The following APPBP2 variants were observed in gnomAD, a reference collection of about 807,000 sequenced individuals.
The protein encoded by APPBP2 is amyloid protein-binding protein 2.
In APPBP2, 15 loss-of-function variants were observed where a neutral mutation model predicts 76.0. The observed-to-expected ratio is 0.20, with a 90% CI of 0.13 to 0.30. The LOEUF (loss-of-function observed/expected upper bound fraction) is 0.30. Among genes scored for constraint, APPBP2 ranks in the 10% least tolerant of loss-of-function variants. The pLI is 1.00. For synonymous variants in APPBP2, 222 were observed against 242.2 expected (o/e 0.92, Z 0.77); for missense variants, 401 against 687.2 (o/e 0.58, Z 4.66).
chr17:60,523,095 T>G (rs759424571), intron 1 of APPBP2, among the ~76,000 whole-genome samples: 15 of 152,020 alleles, frequency 9.9e-5, no homozygotes, highest in Non-Finnish European at 1.9e-4. Context: ...CCACAAATAC[T>G]CCAATTTTGT....
chr17:60,458,930 G>A (rs1294230460), intron 9 of APPBP2, among the ~76,000 whole-genome samples: 2 of 151,926 alleles, frequency 1.3e-5, no homozygotes, highest in East Asian at 1.9e-4. Flanking sequence ...ATGCCACCAT[G>A]CCTGGCTAAT....
At chr17:60,500,310 A>G (rs927013930) in intron 2 of APPBP2, 89 bp downstream of exon 2, 12 of 912,904 alleles carry the variant, frequency 1.3e-5, no homozygotes, top group Non-Finnish European at 6.7e-6. Flanking sequence ...CCCAGCCCAC[A>G]ATGTGAATAT....
rs913002845 is a variant in APPBP2, at chr17:60,468,028, G to A, written c.504-1569C>T. On this transcript the variant is annotated intron_variant, in intron 4 of 12. Coordinates refer to ENST00000083182, the MANE Select transcript of APPBP2 (RefSeq NM_006380.5). ...CAGTAAGGGAGGTGATTTGACTTAT[G>A]CACTATCTAATATAATTTCCTGAGA... 3.3e-5 allele frequency among the ~76,000 whole-genome samples: 5 copies of A among 152,176 alleles called. No homozygotes were observed. In the East Asian group the frequency reaches 9.6e-4, roughly 29 times the overall value.
In APPBP2 at chr17:60,494,529, A is replaced by G; in HGVS notation, c.316T>C (p.Ser106Pro). The change falls in exon 3 of 13, where the codon TCT (serine) becomes CCT (proline). Residue 106 changes from serine to proline, a missense_variant. Physicochemically the swap from Ser to Pro is moderately conservative, Grantham distance 74. Transcript: ENST00000083182. ...GCAGCATCTGATTCTGCTATATAAG[A>G]GCACCGCCTACTGAATGAGTAGGCC... Reference protein sequence around the residue: ...VLAYSFSRRCSYIAESDAAVK... With the variant: ...VLAYSFSRRCPYIAESDAAVK... 1.9e-6 allele frequency: 3 copies of G among 1,612,616 alleles called. No individual in the cohort carries two copies. The highest frequency in any genetic ancestry group is 2.5e-6 in the Non-Finnish European group (3 of 1,179,800).
At chr17:60,457,789 A>T (rs2090442583) in intron 9 of APPBP2, among the ~76,000 whole-genome samples, 1 of 152,188 alleles carries the variant, frequency 6.6e-6, no homozygotes, top group Admixed American at 6.5e-5. Flanking sequence ...TTTTATTTTT[A>T]TAACAGCTCA....
At chr17:60,500,242 C>T (rs1228843327) in intron 2 of APPBP2, among the ~76,000 whole-genome samples, 157 bp downstream of exon 2, 1 of 152,070 alleles carries the variant, frequency 6.6e-6, no homozygotes, top group South Asian at 2.1e-4. Context: ...GATCTGACCT[C>T]GTGATCTGCC....
rs2090355382 is a variant in APPBP2, at chr17:60,447,198, T to C, written c.*383A>G. 1 of 164,398 alleles carries C rather than the reference T, an allele frequency of 6.1e-6. No homozygotes were observed. Among genetic ancestry groups the C allele is most frequent in the African/African-American group, 2.4e-5 (1 of 41,774 alleles). The allele number at this position is 164,398 out of a possible 1,614,324, so 10.2% of individuals were successfully genotyped here. ...CATGGAAGAATTACATATTAAAAAG[T>C]TGTTAAAATCATCCTTACATAATAA... On this transcript the variant is annotated 3_prime_UTR_variant, in exon 13 of 13. Coordinates refer to ENST00000083182, the MANE Select transcript of APPBP2 (RefSeq NM_006380.5).
intron 3 of APPBP2, among the ~76,000 whole-genome samples, chr17:60,488,718 A>G (rs778075534): frequency 7.9e-5 from 12 of 152,184 alleles, no homozygotes. Context: ...CCAGATTGGC[A>G]TAAGTAGATG....
chr17:60,470,192 T>G (rs959509013), intron 4 of APPBP2, among the ~76,000 whole-genome samples: 3 of 152,194 alleles, frequency 2.0e-5, no homozygotes, highest in African/African-American at 7.2e-5. Context: ...TGTGCTTATC[T>G]TTTCATGTGC....
chr17:60,466,269 A>G (rs1268540416), intron 5 of APPBP2, 22 bp downstream of exon 5: 1 of 1,605,340 alleles, frequency 6.2e-7, no homozygotes, highest in Non-Finnish European at 8.5e-7. Flanking sequence ...GGTCACAGTG[A>G]AATGTACCTT....
intron 6 of APPBP2, among the ~76,000 whole-genome samples, chr17:60,463,617 A>G (rs1424458613): frequency 6.6e-6 from 1 of 152,262 alleles, no homozygotes; most frequent in Non-Finnish European, 1.5e-5. Flanking sequence ...ACTATGACAA[A>G]GAGATTTAAC....
intron 3 of APPBP2, among the ~76,000 whole-genome samples, chr17:60,494,002 T>C (rs2090752733): frequency 6.6e-6 from 1 of 152,108 alleles, no homozygotes; most frequent in Non-Finnish European, 1.5e-5. Flanking sequence ...CCTCATAACA[T>C]CCACATGAGG....
chr17:60,452,313 G>A (rs2090401222), intron 11 of APPBP2, among the ~76,000 whole-genome samples: 4 of 152,138 alleles, frequency 2.6e-5, no homozygotes, highest in African/African-American at 9.7e-5. Flanking sequence ...ATTGTTACAA[G>A]AAATTCACAA....
chr17:60,495,402 A>C (rs920903427), intron 2 of APPBP2, among the ~76,000 whole-genome samples: 5 of 151,346 alleles, frequency 3.3e-5, no homozygotes, highest in African/African-American at 4.8e-5. Context: ...ATACCCCTTT[A>C]CACCCAATAG....
intron 9 of APPBP2, among the ~76,000 whole-genome samples, chr17:60,457,698 G>A (rs1230208678): frequency 6.6e-6 from 1 of 152,210 alleles, no homozygotes; most frequent in African/African-American, 2.4e-5. Flanking sequence ...CTAAAGTGCT[G>A]GGAGTACAGG....
In APPBP2 at chr17:60,460,782, G is replaced by A. The variant is rs1342193625; in HGVS notation, c.942C>T (p.Ala314=). 2 of 1,610,364 alleles carry A rather than the reference G, an allele frequency of 1.2e-6. No homozygotes were observed. Among genetic ancestry groups the A allele is most frequent in the African/African-American group, 1.3e-5 (1 of 74,666 alleles). The part of the protein sequence containing the change: ...ICQSVAIYQA[A]LDIRQSVFGG... Reference sequence around the variant, plus strand: ...CAAACACTGACTGTCTAATGTCAAGGGCTGCCTGAAAGAATCATAAAAATA... The same window carrying A: ...CAAACACTGACTGTCTAATGTCAAGAGCTGCCTGAAAGAATCATAAAAATA... The change falls in exon 9 of 13, where the codon GCC becomes GCT. Residue 314 remains alanine, a synonymous_variant. Coordinates refer to ENST00000083182, the MANE Select transcript of APPBP2 (RefSeq NM_006380.5).
chr17:60,512,695 T>C (rs977389291), intron 1 of APPBP2, among the ~76,000 whole-genome samples: 46 of 150,998 alleles, frequency 3.0e-4, no homozygotes, highest in Non-Finnish European at 5.9e-4. Context: ...AATAGTCGGG[T>C]GTGATGGCAC....
chr17:60,502,401 T>C (rs907960864), intron 1 of APPBP2, among the ~76,000 whole-genome samples: 3 of 152,168 alleles, frequency 2.0e-5, no homozygotes, highest in Admixed American at 2.0e-4. Flanking sequence ...TCTTATAACA[T>C]GGGCTTAACA....
At chr17:60,482,842 T>A (rs1416923578) in intron 3 of APPBP2, among the ~76,000 whole-genome samples, 1 of 152,214 alleles carries the variant, frequency 6.6e-6, no homozygotes, top group Non-Finnish European at 1.5e-5. Flanking sequence ...TTGATGGACA[T>A]TTGGGTTGGT....
Sources: allele counts gnomAD v4.1 joint callset (sites outside exome capture counted in the v4.1 genomes callset), GRCh38; gene constraint gnomAD v4.1.1; transcripts MANE v1.5; gene names NCBI Gene and HGNC (gene_info 2026-07-23, HGNC 2026-07-21).